NKAIN3: variants seen among roughly 807,000 people sequenced by gnomAD.
The protein encoded by NKAIN3 is sodium/potassium-transporting ATPase subunit beta-1-interacting protein 3.
NKAIN3 carries 25 observed loss-of-function variants against 30.2 expected under a neutral mutation model. The ratio of observed to expected loss-of-function variants is 0.83; its 90% CI spans 0.60 to 1.16. The LOEUF (loss-of-function observed/expected upper bound fraction) is 1.16. NKAIN3 is among the 50% of genes most tolerant of loss of function. The pLI is 0.00. For missense variants in NKAIN3, 225 were observed against 254.1 expected (o/e 0.89, Z 0.78); for synonymous variants, 91 against 89.6 (o/e 1.02, Z -0.09).
chr8:62,919,267 C>T (rs1450315706), intron 5 of NKAIN3, among the ~76,000 whole-genome samples: 1 of 36,942 alleles, frequency 2.7e-5, no homozygotes, highest in Admixed American at 4.2e-4. Flanking sequence ...TTTTTTGAGA[C>T]GGAGTCTCCC....
intron 4 of NKAIN3, among the ~76,000 whole-genome samples, chr8:62,761,196 G>C (rs1816649863): frequency 6.6e-6 from 1 of 152,088 alleles, no homozygotes; most frequent in African/African-American, 2.4e-5. Context: ...AAAACTAAAT[G>C]AACTAATTGT....
intron 1 of NKAIN3, among the ~76,000 whole-genome samples, chr8:62,329,427 A>G (rs1815260735): frequency 6.6e-6 from 1 of 152,110 alleles, no homozygotes; most frequent in African/African-American, 2.4e-5. Context: ...GTGGGGTACC[A>G]ATGATCCCAT....
intron 5 of NKAIN3, among the ~76,000 whole-genome samples, chr8:62,922,280 C>T (rs1031094797): frequency 2.0e-5 from 3 of 152,112 alleles, no homozygotes; most frequent in African/African-American, 7.2e-5. Context: ...CATGTATTTA[C>T]CTGTCTGCCC....
At chr8:62,316,213 T>C (rs1814620465) in intron 1 of NKAIN3, among the ~76,000 whole-genome samples, 1 of 152,076 alleles carries the variant, frequency 6.6e-6, no homozygotes, top group Admixed American at 6.6e-5. Context: ...AAGTCTCGGG[T>C]ATGTCTTTAT....
intron 1 of NKAIN3, among the ~76,000 whole-genome samples, chr8:62,529,840 C>T (rs1381344858): frequency 6.6e-6 from 1 of 152,056 alleles, no homozygotes; most frequent in Admixed American, 6.6e-5. Flanking sequence ...AATGAGCACT[C>T]GAGGTCAGAG....
intron 4 of NKAIN3, among the ~76,000 whole-genome samples, chr8:62,787,681 T>TC: frequency 6.6e-6 from 1 of 152,092 alleles, no homozygotes; most frequent in South Asian, 2.1e-4. Flanking sequence ...CCTCCCCACT[T>TC]CCCCCACCCC....
chr8:62,608,017 A>C (rs931349081), intron 3 of NKAIN3, among the ~76,000 whole-genome samples: 8 of 152,190 alleles, frequency 5.3e-5, no homozygotes, highest in Non-Finnish European at 1.0e-4. Context: ...ACTATTTAAA[A>C]AAATTGTGTT....
At chr8:62,288,956 A>T (rs575331039) in intron 1 of NKAIN3, among the ~76,000 whole-genome samples, 155 of 152,212 alleles carry the variant, frequency 1.0e-3, no homozygotes, top group African/African-American at 3.6e-3. Flanking sequence ...AGATGGTATC[A>T]CATTGTGGTT....
chr8:62,803,471 C>T (rs866910261), intron 4 of NKAIN3, among the ~76,000 whole-genome samples: 12 of 152,122 alleles, frequency 7.9e-5, no homozygotes, highest in African/African-American at 1.9e-4. Flanking sequence ...CACTCAAAAC[C>T]GCTCAACTAC....
At chr8:62,792,652 C>G (rs1817741346) in intron 4 of NKAIN3, among the ~76,000 whole-genome samples, 1 of 151,732 alleles carries the variant, frequency 6.6e-6, no homozygotes, top group African/African-American at 2.4e-5. Context: ...AGTTAGAGGA[C>G]CAAGGTATCA....
chr8:62,726,499 C>T (rs1815263214), intron 3 of NKAIN3, among the ~76,000 whole-genome samples: 1 of 152,112 alleles, frequency 6.6e-6, no homozygotes. Context: ...GGATTCTTAT[C>T]ATGGAAGGAT....
chr8:62,660,068 C>T (rs1812895840), intron 3 of NKAIN3, among the ~76,000 whole-genome samples: 2 of 152,080 alleles, frequency 1.3e-5, no homozygotes, highest in South Asian at 2.1e-4. Flanking sequence ...TTGGTGAATG[C>T]CTCAGGGGGA....
chr8:62,252,859 G>T (rs1209942411), intron 1 of NKAIN3, among the ~76,000 whole-genome samples: 1 of 152,150 alleles, frequency 6.6e-6, no homozygotes, highest in Non-Finnish European at 1.5e-5. Context: ...TGTGCTTTTA[G>T]CACATTCTTT....
intron 1 of NKAIN3, among the ~76,000 whole-genome samples, chr8:62,296,255 G>A (rs1175227351): frequency 6.6e-6 from 1 of 152,176 alleles, no homozygotes; most frequent in African/African-American, 2.4e-5. Flanking sequence ...TTAAAGGTGA[G>A]GGAGAGTGAA....
chr8:62,437,768 G>T (rs947086237), intron 1 of NKAIN3, among the ~76,000 whole-genome samples: 1 of 152,158 alleles, frequency 6.6e-6, no homozygotes, highest in African/African-American at 2.4e-5. Flanking sequence ...AATATATGAT[G>T]ATCCTTCTTC....
At chr8:62,449,102 A>G (rs1480029493) in intron 1 of NKAIN3, among the ~76,000 whole-genome samples, 3 of 152,130 alleles carry the variant, frequency 2.0e-5, no homozygotes, top group Middle Eastern at 3.4e-3. Flanking sequence ...TGCACCAGAA[A>G]TCTCAAAATC....
intron 1 of NKAIN3, among the ~76,000 whole-genome samples, chr8:62,344,638 T>C (rs1442626545): frequency 1.3e-5 from 2 of 152,000 alleles, no homozygotes; most frequent in Admixed American, 6.6e-5. Context: ...GAGTTGGCAG[T>C]GGGAAGGGTG....
chr8:62,407,743 T>C (rs1305094443), intron 1 of NKAIN3, among the ~76,000 whole-genome samples: 3 of 152,160 alleles, frequency 2.0e-5, no homozygotes, highest in Non-Finnish European at 4.4e-5. Context: ...ACTAGATAGT[T>C]TTCAAAAATA....
At chr8:62,784,228 A>C (rs1817445474) in intron 4 of NKAIN3, among the ~76,000 whole-genome samples, 1 of 151,976 alleles carries the variant, frequency 6.6e-6, no homozygotes. Flanking sequence ...AGTAACTAGA[A>C]GAAGTGCAAA....
Sources: allele counts gnomAD v4.1 joint callset (sites outside exome capture counted in the v4.1 genomes callset), GRCh38; gene constraint gnomAD v4.1.1; transcripts MANE v1.5; gene names NCBI Gene and HGNC (gene_info 2026-07-23, HGNC 2026-07-21).